Variants in FBXO11 observed in about 807,000 individuals in gnomAD.
The protein encoded by FBXO11 is F-box only protein 11.
FBXO11 carries 13 observed loss-of-function variants against 117.0 expected under a neutral mutation model. The ratio of observed to expected loss-of-function variants is 0.11; its 90% CI spans 0.07 to 0.18. The LOEUF (loss-of-function observed/expected upper bound fraction) is 0.18. Ranked by LOEUF, FBXO11 falls within the 10% of genes least tolerant of loss-of-function variation. The pLI is 1.00. For synonymous variants in FBXO11, 490 were observed against 380.5 expected (o/e 1.29, Z -3.35); for missense variants, 767 against 1,164.4 (o/e 0.66, Z 4.97).
intron 1 of FBXO11, among the ~76,000 whole-genome samples, chr2:47,859,885 T>A (rs1165409799): frequency 6.6e-6 from 1 of 152,214 alleles, no homozygotes; most frequent in Non-Finnish European, 1.5e-5. Context: ...CATTTATCAG[T>A]ACCAAGCTAT....
chr2:47,871,194 C>T (rs1558460404), intron 1 of FBXO11, among the ~76,000 whole-genome samples: 1 of 152,186 alleles, frequency 6.6e-6, no homozygotes, highest in African/African-American at 2.4e-5. Context: ...CGATTACTTG[C>T]TCTGGACAAA....
chr2:47,828,819 T>C (rs1331620766), intron 11 of FBXO11, among the ~76,000 whole-genome samples: 1 of 152,204 alleles, frequency 6.6e-6, no homozygotes, highest in Non-Finnish European at 1.5e-5. Context: ...TTCAATGAAG[T>C]GTAGTTGTCC....
intron 11 of FBXO11, among the ~76,000 whole-genome samples, chr2:47,823,562 G>A (rs1671533472): frequency 1.3e-5 from 2 of 152,102 alleles, no homozygotes; most frequent in African/African-American, 4.8e-5. Flanking sequence ...AGACCAGCCT[G>A]GCCAACATGG....
At chr2:47,873,214 T>C (rs1011702798) in intron 1 of FBXO11, among the ~76,000 whole-genome samples, 3 of 152,202 alleles carry the variant, frequency 2.0e-5, no homozygotes, top group Non-Finnish European at 4.4e-5. Flanking sequence ...GATGCTCAAC[T>C]TTTCATATGC....
At chr2:47,895,933 G>A (rs1677630260) in intron 1 of FBXO11, among the ~76,000 whole-genome samples, 1 of 152,186 alleles carries the variant, frequency 6.6e-6, no homozygotes, top group Non-Finnish European at 1.5e-5. Flanking sequence ...CTGACCTCGT[G>A]ATCCACTCGC....
At chr2:47,865,394 G>T (rs1019392703) in intron 1 of FBXO11, among the ~76,000 whole-genome samples, 2 of 152,230 alleles carry the variant, frequency 1.3e-5, no homozygotes, top group Non-Finnish European at 2.9e-5. Context: ...AAGAAAGAAA[G>T]AAGGCCCTTC....
In FBXO11 at chr2:47,905,799, G is replaced by A. The variant is rs1410682948; in HGVS notation, c.-79C>T. 2.1e-6 allele frequency: 3 copies of A among 1,419,824 alleles called. No individual in the cohort carries two copies. The highest frequency in any genetic ancestry group is 1.9e-6 in the Non-Finnish European group (2 of 1,065,938). The allele number at this position is 1,419,824 out of a possible 1,614,324, so 88.0% of individuals were successfully genotyped here. ...AGCGAGCTTCGGGGCAGGAGAAAGG[G>A]GTGGGGAGAGTGGGAGAGGGGGGAG... On this transcript the variant is annotated 5_prime_UTR_variant, in exon 1 of 23. Transcript: ENST00000403359.
chr2:47,850,370 T>C (rs1673765226), intron 1 of FBXO11, among the ~76,000 whole-genome samples: 1 of 152,118 alleles, frequency 6.6e-6, no homozygotes, highest in Admixed American at 6.6e-5. Context: ...ATCTCAAGCA[T>C]TAGTGAGTCA....
intron 10 of FBXO11, 31 bp from the exon 11 acceptor site, chr2:47,832,517 T>G (rs1374365738): frequency 1.2e-6 from 2 of 1,609,740 alleles, no homozygotes; most frequent in South Asian, 2.2e-5. Flanking sequence ...CAAACATCAG[T>G]AGAGCTTTTA....
chr2:47,852,825 T>A (rs563549267), intron 1 of FBXO11, among the ~76,000 whole-genome samples: 41 of 152,308 alleles, frequency 2.7e-4, no homozygotes, highest in African/African-American at 9.9e-4. Flanking sequence ...GACATATTAT[T>A]ATTCCTATGT....
chr2:47,876,808 C>A lies in FBXO11; in HGVS notation c.232+28681G>T, dbSNP rs913530919. ...ATATGAAACCTTAAATTCTGGAAAC[C>A]TTTTAATCATTATCTCACTGAATAC... On this transcript the variant is annotated intron_variant, in intron 1 of 22. Transcript: ENST00000403359. Among the ~76,000 whole-genome samples the A allele has an allele frequency of 3.9e-5, 6 of 152,216 alleles. 1 individual carries two copies. In the South Asian group the frequency reaches 1.2e-3, roughly 32 times the overall value.
chr2:47,858,000 G>C (rs1314201492), intron 1 of FBXO11, among the ~76,000 whole-genome samples: 1 of 151,818 alleles, frequency 6.6e-6, no homozygotes, highest in South Asian at 2.1e-4. Context: ...ATGAAATATC[G>C]CATTAAAGAA....
intron 3 of FBXO11, 59 bp from the exon 4 acceptor site, chr2:47,839,062 G>C: frequency 3.3e-6 from 5 of 1,509,356 alleles, no homozygotes; most frequent in Admixed American, 2.1e-5. Context: ...ATTATTTAAA[G>C]AACACAGTTT....
intron 1 of FBXO11, among the ~76,000 whole-genome samples, chr2:47,885,729 C>CT (rs1676783880): frequency 6.6e-6 from 1 of 152,122 alleles, no homozygotes; most frequent in Non-Finnish European, 1.5e-5. Flanking sequence ...CTCTTCCCCC[C>CT]ACCAAAAAAA....
In FBXO11 at chr2:47,905,753, G is replaced by GAC. The variant is rs760388446; in HGVS notation, c.-35_-34dup. 2.4e-5 allele frequency: 32 copies of GAC among 1,356,050 alleles called. No individual in the cohort carries two copies. Among genetic ancestry groups the GAC allele is most frequent in the Middle Eastern group, 5.6e-4 (2 of 3,580 alleles). 84.0% of individuals were successfully genotyped at this position (1,356,050 alleles called of 1,614,324 possible). ...GCTGAGGTGGCGGCGTTGGCGGAGG[G>GAC]ACACACACACGCACACGCACAGCGA... On this transcript the variant is annotated 5_prime_UTR_variant, in exon 1 of 23. Transcript: ENST00000403359.
chr2:47,899,439 T>G (rs1677931511), intron 1 of FBXO11, among the ~76,000 whole-genome samples: 1 of 152,216 alleles, frequency 6.6e-6, no homozygotes, highest in Non-Finnish European at 1.5e-5. Context: ...TTATTAAATA[T>G]CTATCATGTG....
At chr2:47,839,342 T>C (rs1672842437) in intron 3 of FBXO11, 77 bp downstream of exon 3, 2 of 1,349,430 alleles carry the variant, frequency 1.5e-6, no homozygotes, top group African/African-American at 1.5e-5. Flanking sequence ...CGAATACACT[T>C]AATTTTCATT....
intron 7 of FBXO11, 63 bp downstream of exon 7, chr2:47,834,516 T>A (rs977783453): frequency 3.1e-6 from 4 of 1,297,954 alleles, no homozygotes; most frequent in South Asian, 1.8e-5. Context: ...CTAGCATTTT[T>A]AAAATCCTAT....
Position 47,905,514 on chromosome 2 carries a change from C to T in FBXO11, c.207G>A (p.Gln69=). 8.1e-7 allele frequency: 1 copy of T among 1,234,182 alleles called. No individual in the cohort carries two copies. Among genetic ancestry groups the T allele is most frequent in the Non-Finnish European group, 1.0e-6 (1 of 990,736 alleles). The allele number at this position is 1,234,182 out of a possible 1,614,324, so 76.5% of individuals were successfully genotyped here. Residue 69 remains glutamine, a synonymous_variant, in exon 1 of 23, where the codon CAG becomes CAA. Coordinates refer to ENST00000403359, the MANE Select transcript of FBXO11 (RefSeq NM_001190274.2). ...CCCGCTCGCCGACGTTGTTCCGCTC[C>T]TGAGGCAGCGGCGGAGGCGGCGGTG... ...PPPPPPPPLP[Q]ERNNVGERDD...
Sources: allele counts gnomAD v4.1 joint callset (sites outside exome capture counted in the v4.1 genomes callset), GRCh38; gene constraint gnomAD v4.1.1; transcripts MANE v1.5; gene names NCBI Gene and HGNC (gene_info 2026-07-23, HGNC 2026-07-21).